TMC2: variants seen among roughly 807,000 people sequenced by gnomAD.
TMC2 encodes the protein transmembrane channel-like protein 2.
Under a neutral mutation model 105.9 loss-of-function variants are expected in TMC2, and 102 were observed. The observed-to-expected ratio is 0.96, with a 90% CI of 0.82 to 1.14. The LOEUF is 1.14. Ranked by LOEUF, TMC2 falls within the 50% of genes most tolerant of loss-of-function variation. TMC2 has a pLI of 0.00. For missense variants in TMC2, 1,093 were observed against 1,134.3 expected (o/e 0.96, Z 0.52); for synonymous variants, 402 against 422.8 (o/e 0.95, Z 0.60).
chr20:2,564,150 C>CTTTTTTTT (rs71193976), intron 4 of TMC2, among the ~76,000 whole-genome samples: 1 of 120,072 alleles, frequency 8.3e-6, no homozygotes, highest in African/African-American at 3.3e-5. Flanking sequence ...TCAGCCTCCT[C>CTTTTTTTT]TTTTTTTTTT....
intron 13 of TMC2, 56 bp from the exon 14 acceptor site, chr20:2,613,138 G>A: frequency 6.3e-7 from 1 of 1,576,934 alleles, no homozygotes; most frequent in Non-Finnish European, 8.6e-7. Context: ...TCTCAGGGAG[G>A]GTGGGAGAAG....
rs1256657837 is a variant in TMC2 at position 2,537,253 on chromosome 20, A to G, written c.35-16A>G. 6.3e-7 allele frequency: 1 copy of G among 1,596,736 alleles called. No homozygotes were observed. Among genetic ancestry groups the G allele is most frequent in the Non-Finnish European group, 8.5e-7 (1 of 1,171,536 alleles). ...ACCAGAGGCCAGCCATTTGTCAGCA[A>G]TCCTGTCTCTTACAGCACGAGGCGG... is the stretch of plus-strand genomic sequence containing the variant. On this transcript the variant is annotated splice_polypyrimidine_tract_variant and intron_variant, in intron 1 of 19. Coordinates refer to ENST00000358864, the MANE Select transcript of TMC2 (RefSeq NM_080751.3).
chr20:2,547,196 G>A (rs1457022862), intron 2 of TMC2, among the ~76,000 whole-genome samples: 1 of 152,186 alleles, frequency 6.6e-6, no homozygotes, highest in Non-Finnish European at 1.5e-5. Context: ...CCATAGATAT[G>A]TCTGATGTTC....
rs568161374 is a variant in TMC2 at position 2,575,002 on chromosome 20, A to G, written c.645+2733A>G. ...CAGCCTCCCAAAGTGCTGGGATTAC[A>G]GGAGTAAGCCACCATGCCCGGACTC... On this transcript the variant is annotated intron_variant, in intron 5 of 19. Coordinates refer to ENST00000358864, the MANE Select transcript of TMC2 (RefSeq NM_080751.3). Among the ~76,000 whole-genome samples, 154 of 152,338 alleles carry G rather than the reference A, an allele frequency of 1.0e-3. 1 individual carries two copies. The South Asian group carries it at 0.031, about 31-fold the overall frequency.
At chr20:2,635,789 AAAG>A (rs1046520773) in intron 17 of TMC2, 134 bp from the exon 18 acceptor site, 30 of 687,154 alleles carry the variant, frequency 4.4e-5, no homozygotes, top group Non-Finnish European at 7.5e-5. Context: ...CACATTGAGA[AAAG>A]AAGATGGTAG....
At chr20:2,631,241 C>T (rs1275297388) in intron 17 of TMC2, among the ~76,000 whole-genome samples, 1 of 152,152 alleles carries the variant, frequency 6.6e-6, no homozygotes, top group Non-Finnish European at 1.5e-5. Context: ...TTGTTTCTGC[C>T]ACACAAATTA....
intron 2 of TMC2, among the ~76,000 whole-genome samples, chr20:2,555,282 T>C (rs1263207164): frequency 1.3e-5 from 2 of 152,130 alleles, no homozygotes; most frequent in Non-Finnish European, 2.9e-5. Context: ...GGTTTCACCA[T>C]GTTGGCCACG....
At position 2,553,475 on chromosome 20, in the gene TMC2, C is replaced by G. The variant is rs147899276; in HGVS notation, c.83-4981C>G. 1.4e-3 allele frequency among the ~76,000 whole-genome samples: 207 copies of G among 152,046 alleles called. 3 individuals are homozygous for G. Among genetic ancestry groups the G allele is most frequent in the African/African-American group, 4.8e-3 (197 of 41,450 alleles). Reference sequence around the variant, plus strand: ...TGGTATACAACTCTTTTTATATGTTCTTGAATTCAATTTTCTATTTTATTA... The same window carrying G: ...TGGTATACAACTCTTTTTATATGTTGTTGAATTCAATTTTCTATTTTATTA... On this transcript the variant is annotated intron_variant, in intron 2 of 19. Coordinates refer to ENST00000358864, the MANE Select transcript of TMC2 (RefSeq NM_080751.3).
chr20:2,563,039 G>T (rs554848325), intron 4 of TMC2, among the ~76,000 whole-genome samples: 1 of 152,206 alleles, frequency 6.6e-6, no homozygotes, highest in Non-Finnish European at 1.5e-5. Context: ...CAACATGACC[G>T]TTTTCCCCAA....
chr20:2,579,970 G>T lies in TMC2; in HGVS notation c.748G>T (p.Ala250Ser). The change falls in exon 7 of 20, where the codon GCA becomes TCA. Residue 250 changes from alanine (A) to serine (S), a missense_variant. By Grantham distance (99) the Ala-to-Ser change is moderately conservative. Coordinates refer to ENST00000358864, the MANE Select transcript of TMC2 (RefSeq NM_080751.3). ...TCTAGGTCACTTTGGTTCTTCAGTG[G>T]CATCGTATTTCATCTTTCTCCGATG... Reference protein sequence around the residue: ...DIESHFGSSVASYFIFLRWMY... With the variant: ...DIESHFGSSVSSYFIFLRWMY... 1 of 1,613,698 alleles carries T rather than the reference G, an allele frequency of 6.2e-7. No individual in the cohort carries two copies. The highest frequency in any genetic ancestry group is 8.5e-7 in the Non-Finnish European group (1 of 1,179,760).
chr20:2,564,150 C>CTTTTTT (rs71193976), intron 4 of TMC2, among the ~76,000 whole-genome samples: 30 of 120,066 alleles, frequency 2.5e-4, no homozygotes, highest in East Asian at 9.2e-4. Flanking sequence ...TCAGCCTCCT[C>CTTTTTT]TTTTTTTTTT....
intron 2 of TMC2, among the ~76,000 whole-genome samples, chr20:2,550,297 T>C (rs578141361): frequency 1.3e-5 from 2 of 152,164 alleles, no homozygotes; most frequent in African/African-American, 2.4e-5. Flanking sequence ...TGTAGTGTGC[T>C]GAGATTGTGC....
In TMC2 at chr20:2,592,128, G is replaced by C. The variant is rs2086273209; in HGVS notation, c.835-182G>C. On this transcript the variant is annotated intron_variant, in intron 7 of 19. Coordinates refer to ENST00000358864, the MANE Select transcript of TMC2 (RefSeq NM_080751.3). The surrounding 1 kb of genome is among the most constrained non-coding windows in gnomAD (Gnocchi z 4.9). ...GACTGTGCTATTGCACTCCAGCCTGGGTGACAAGAGTGAAACTCCATCTCA... is the reference window on the plus strand; with the variant it reads ...GACTGTGCTATTGCACTCCAGCCTGCGTGACAAGAGTGAAACTCCATCTCA... Among the ~76,000 whole-genome samples the C allele has an allele frequency of 6.6e-6, 1 of 152,212 alleles. No individual in the cohort carries two copies. Among genetic ancestry groups the C allele is most frequent in the Middle Eastern group, 3.4e-3 (1 of 294 alleles).
Position 2,632,164 on chromosome 20 carries a change from G to A in TMC2, c.2307-3762G>A, listed in dbSNP as rs532008171. ...AGCCTGTCGAGTAGCTGGGATTACC[G>A]GCATGTGCCACCACACCTAGCTAAT... On this transcript the variant is annotated intron_variant, in intron 17 of 19. Coordinates refer to ENST00000358864, the MANE Select transcript of TMC2 (RefSeq NM_080751.3). Among the ~76,000 whole-genome samples, 17 of 152,068 alleles carry A rather than the reference G, an allele frequency of 1.1e-4. No individual in the cohort carries two copies. In the South Asian group the frequency reaches 2.7e-3, roughly 24 times the overall value.
chr20:2,595,030 C>T, intron 9 of TMC2, 63 bp downstream of exon 9: 1 of 1,556,610 alleles, frequency 6.4e-7, no homozygotes. Context: ...CCCCTGGCCA[C>T]TCTATGCCTA....
intron 7 of TMC2, among the ~76,000 whole-genome samples, chr20:2,581,272 GTTACA>G (rs929698521): frequency 6.6e-6 from 1 of 152,200 alleles, no homozygotes; most frequent in Non-Finnish European, 1.5e-5. Flanking sequence ...GCAAAGGAGT[GTTACA>G]TTATTCATAA....
intron 2 of TMC2, among the ~76,000 whole-genome samples, chr20:2,543,802 A>G (rs2085906274): frequency 6.6e-6 from 1 of 152,072 alleles, no homozygotes; most frequent in Admixed American, 6.5e-5. Flanking sequence ...GTCAATCTAG[A>G]TATTCACCAG....
At chr20:2,544,829 G>A (rs1165278662) in intron 2 of TMC2, among the ~76,000 whole-genome samples, 1 of 152,164 alleles carries the variant, frequency 6.6e-6, no homozygotes, top group African/African-American at 2.4e-5. Flanking sequence ...GGAGGCCAAG[G>A]TGGGAAGATC....
intron 4 of TMC2, among the ~76,000 whole-genome samples, chr20:2,570,443 T>C (rs2086095075): frequency 6.6e-6 from 1 of 151,984 alleles, no homozygotes; most frequent in Non-Finnish European, 1.5e-5. Flanking sequence ...TTGGAATTCA[T>C]CTAACCAAGG....
Sources: gnomAD v4.1 joint callset for allele counts (sites outside exome capture counted in the v4.1 genomes callset) on GRCh38, gnomAD v4.1.1 for gene constraint, Gnocchi (gnomAD v3.1) non-coding constraint, MANE v1.5 for transcripts, NCBI Gene and HGNC (gene_info 2026-07-23, HGNC 2026-07-21) for gene names.